The following RPSA2 variants were observed in gnomAD, a reference collection of about 807,000 sequenced individuals.
RPSA2 encodes the protein ribosomal protein SA 2, also known as small ribosomal subunit protein uS2B.
chr19:23,812,840 A>G, the RPSA2 span, among the ~76,000 whole-genome samples: 1 of 152,166 alleles, frequency 6.6e-6, no homozygotes, highest in Non-Finnish European at 1.5e-5. Context: ...GTAATTTTTA[A>G]AAAGATTTAT....
chr19:23,797,821 T>G, the RPSA2 span, among the ~76,000 whole-genome samples: 2 of 152,210 alleles, frequency 1.3e-5, no homozygotes, highest in African/African-American at 2.4e-5. Context: ...TTCTTTCCTG[T>G]GTGCACAATG....
At chr19:23,820,885 C>G in the RPSA2 span, among the ~76,000 whole-genome samples, 1 of 152,198 alleles carries the variant, frequency 6.6e-6, no homozygotes. Context: ...GCCCATTGGA[C>G]TCCTTCCAGT....
At chr19:23,763,929 T>C in the RPSA2 span, among the ~76,000 whole-genome samples, 1 of 152,130 alleles carries the variant, frequency 6.6e-6, no homozygotes, top group Non-Finnish European at 1.5e-5. Flanking sequence ...GCAAACCAAA[T>C]GCAAGAATTG....
At chr19:23,826,200 CT>C in the RPSA2 span, among the ~76,000 whole-genome samples, 87 of 144,112 alleles carry the variant, frequency 6.0e-4, no homozygotes, top group South Asian at 6.6e-4. Flanking sequence ...TTTCTTTTTT[CT>C]TTTTTTTTTT....
the RPSA2 span, among the ~76,000 whole-genome samples, chr19:23,800,027 C>CT: frequency 7.1e-3 from 792 of 110,920 alleles, 12 homozygotes; most frequent in African/African-American, 0.017. Flanking sequence ...TTTTCTTTTT[C>CT]TTTTTTTTTT....
At chr19:23,857,319 TA>T in the RPSA2 span, among the ~76,000 whole-genome samples, 1 of 152,222 alleles carries the variant, frequency 6.6e-6, no homozygotes, top group Non-Finnish European at 1.5e-5. Flanking sequence ...AAGACAGGCA[TA>T]AGAAATTATA....
chr19:23,864,794 A>T, the RPSA2 span, among the ~76,000 whole-genome samples: 1 of 152,142 alleles, frequency 6.6e-6, no homozygotes, highest in Non-Finnish European at 1.5e-5. Context: ...GTAAATTAAG[A>T]TTTAAATTTT....
At chr19:23,783,049 C>T in the RPSA2 span, among the ~76,000 whole-genome samples, 1 of 151,242 alleles carries the variant, frequency 6.6e-6, no homozygotes, top group African/African-American at 2.4e-5. Context: ...TGGTGTTACT[C>T]TCCTCTCCTG....
chr19:23,802,874 T>C, the RPSA2 span, among the ~76,000 whole-genome samples: 2 of 152,204 alleles, frequency 1.3e-5, no homozygotes, highest in African/African-American at 2.4e-5. Context: ...CACCATTTTC[T>C]TTATATTGTT....
the RPSA2 span, among the ~76,000 whole-genome samples, chr19:23,853,639 T>C: frequency 6.6e-6 from 1 of 152,176 alleles, no homozygotes; most frequent in Non-Finnish European, 1.5e-5. Flanking sequence ...TGGTACCGAG[T>C]CTGGGAACAA....
At chr19:23,779,966 C>T in the RPSA2 span, among the ~76,000 whole-genome samples, 1 of 152,174 alleles carries the variant, frequency 6.6e-6, no homozygotes, top group Non-Finnish European at 1.5e-5. Context: ...ATCAGTGGCC[C>T]AGCATCCAGG....
At chr19:23,772,995 G>A in the RPSA2 span, among the ~76,000 whole-genome samples, 1 of 152,120 alleles carries the variant, frequency 6.6e-6, no homozygotes, top group African/African-American at 2.4e-5. Flanking sequence ...TACAGAGAGT[G>A]TACTAGCCGG....
At chr19:23,758,817 A>G in the RPSA2 span, 1 of 1,608,320 alleles carries the variant, frequency 6.2e-7, no homozygotes, top group Non-Finnish European at 8.5e-7. Flanking sequence ...AGAGGGCCAT[A>G]GAGGCTGGGC....
chr19:23,870,086 C>A, the RPSA2 span, among the ~76,000 whole-genome samples: 1 of 152,184 alleles, frequency 6.6e-6, no homozygotes, highest in Non-Finnish European at 1.5e-5. Flanking sequence ...TGTGATGCCA[C>A]CCCTGTTTGG....
At chr19:23,784,084 G>A in the RPSA2 span, among the ~76,000 whole-genome samples, 1 of 152,146 alleles carries the variant, frequency 6.6e-6, no homozygotes, top group African/African-American at 2.4e-5. Context: ...ACTTGACAAA[G>A]CACACAGATG....
the RPSA2 span, among the ~76,000 whole-genome samples, chr19:23,764,116 C>T: frequency 1.3e-5 from 2 of 152,078 alleles, no homozygotes; most frequent in Non-Finnish European, 2.9e-5. Context: ...ACATTTTTTA[C>T]TTATGAACAC....
At chr19:23,864,532 C>T in the RPSA2 span, among the ~76,000 whole-genome samples, 3 of 152,116 alleles carry the variant, frequency 2.0e-5, no homozygotes, top group African/African-American at 7.2e-5. Context: ...AAGAATACAT[C>T]ACCCAACAGA....
chr19:23,798,782 A>G, the RPSA2 span: 1 of 152,170 alleles, frequency 6.6e-6, no homozygotes, highest in East Asian at 1.9e-4. Context: ...AATGTCTTTC[A>G]TTTCACAAAT....
the RPSA2 span, among the ~76,000 whole-genome samples, chr19:23,781,190 G>C: frequency 6.6e-6 from 1 of 152,130 alleles, no homozygotes; most frequent in African/African-American, 2.4e-5. Context: ...GGCCAGACTG[G>C]TCTCGAACTC....
Sources: gnomAD v4.1 joint callset for allele counts (sites outside exome capture counted in the v4.1 genomes callset) on GRCh38, gnomAD v4.1.1 for gene constraint, MANE v1.5 for transcripts, NCBI Gene and HGNC (gene_info 2026-07-23, HGNC 2026-07-21) for gene names.